LRRC4C: variants seen among roughly 807,000 people sequenced by gnomAD.
LRRC4C encodes the protein leucine-rich repeat-containing protein 4C.
Under a neutral mutation model 33.6 loss-of-function variants are expected in LRRC4C, and 5 were observed. That is an observed-to-expected ratio of 0.15 (90% confidence interval 0.08 to 0.31). LRRC4C has a LOEUF of 0.31. Ranked by LOEUF, LRRC4C falls within the 10% of genes least tolerant of loss-of-function variation. The pLI is 1.00. For missense variants in LRRC4C, 560 were observed against 796.7 expected, an observed-to-expected ratio of 0.70 and a Z score of 3.58; for synonymous variants, 329 against 302.0, an observed-to-expected ratio of 1.09 and a Z score of -0.93.
At chr11:40,567,997 C>A (rs980288214) in intron 3 of LRRC4C, among the ~76,000 whole-genome samples, 1 of 152,196 alleles carries the variant, frequency 6.6e-6, no homozygotes. Flanking sequence ...TAACCCATTT[C>A]TTCACTTTCC....
At chr11:40,723,425 A>C (rs1206080014) in intron 2 of LRRC4C, among the ~76,000 whole-genome samples, 1 of 152,210 alleles carries the variant, frequency 6.6e-6, no homozygotes, top group East Asian at 1.9e-4. Context: ...CAGGAAACTT[A>C]CAAGTCTGAA....
intron 3 of LRRC4C, among the ~76,000 whole-genome samples, chr11:40,509,721 T>C (rs2078532081): frequency 6.6e-6 from 1 of 152,286 alleles, no homozygotes; most frequent in Non-Finnish European, 1.5e-5. Flanking sequence ...AATAAAACTT[T>C]ATCGTGTTTC....
At chr11:40,762,357 A>G (rs886894601) in intron 2 of LRRC4C, among the ~76,000 whole-genome samples, 1 of 152,194 alleles carries the variant, frequency 6.6e-6, no homozygotes, top group African/African-American at 2.4e-5. Context: ...GGTTTCAGAT[A>G]GAATAAACCC....
chr11:41,075,405 A>G (rs1326656319), intron 1 of LRRC4C, among the ~76,000 whole-genome samples: 1 of 152,186 alleles, frequency 6.6e-6, no homozygotes. Context: ...GTCAGGCTTT[A>G]TTAAGCCTCT....
chr11:40,122,815 C>G (rs1252618024), intron 6 of LRRC4C, among the ~76,000 whole-genome samples: 2 of 147,388 alleles, frequency 1.4e-5, no homozygotes, highest in Admixed American at 1.4e-4. Flanking sequence ...CTCCCTTACT[C>G]TTTTCTAAGA....
intron 2 of LRRC4C, among the ~76,000 whole-genome samples, chr11:40,749,458 CA>C (rs68018605): frequency 0.7 from 87,853 of 125,172 alleles, 29,440 homozygotes; most frequent in Middle Eastern, 0.76. Context: ...CTATGAGATA[CA>C]AAAAAAAAAA....
intron 3 of LRRC4C, among the ~76,000 whole-genome samples, chr11:40,325,540 G>A (rs983019244): frequency 6.6e-6 from 1 of 151,810 alleles, no homozygotes; most frequent in Non-Finnish European, 1.5e-5. Context: ...AGCAGTGAGG[G>A]TCATTAGAGC....
At chr11:41,116,745 A>C (rs1031049396) in intron 1 of LRRC4C, among the ~76,000 whole-genome samples, 1 of 152,060 alleles carries the variant, frequency 6.6e-6, no homozygotes, top group Non-Finnish European at 1.5e-5. Flanking sequence ...TCATTTACTA[A>C]CTCTACCCCC....
At chr11:40,566,522 A>G (rs1039627768) in intron 3 of LRRC4C, among the ~76,000 whole-genome samples, 1 of 152,120 alleles carries the variant, frequency 6.6e-6, no homozygotes, top group Non-Finnish European at 1.5e-5. Context: ...ATCCAGAACT[A>G]CAAGAGATTA....
intron 3 of LRRC4C, among the ~76,000 whole-genome samples, chr11:40,578,015 AGGTAGAGACGG>A (rs2135610721): frequency 6.7e-6 from 1 of 150,040 alleles, no homozygotes; most frequent in East Asian, 2.0e-4. Context: ...TTTGTATTTT[AGGTAGAGACGG>A]GGTTTCACCG....
intron 1 of LRRC4C, among the ~76,000 whole-genome samples, chr11:40,990,518 T>C (rs1386433314): frequency 6.6e-6 from 1 of 151,936 alleles, no homozygotes; most frequent in African/African-American, 2.4e-5. Context: ...AATCACTGGA[T>C]CAGTGGTTCT....
intron 3 of LRRC4C, among the ~76,000 whole-genome samples, chr11:40,361,819 A>C (rs1358776551): frequency 9.2e-5 from 14 of 152,212 alleles, no homozygotes; most frequent in Admixed American, 9.2e-4. Flanking sequence ...ATCCTAAGCA[A>C]AAAGAACAAA....
intron 1 of LRRC4C, among the ~76,000 whole-genome samples, chr11:41,135,765 T>A (rs1410994074): frequency 6.6e-6 from 1 of 152,186 alleles, no homozygotes; most frequent in Non-Finnish European, 1.5e-5. Flanking sequence ...TTATAATTAC[T>A]GTGTAATGGA....
intron 5 of LRRC4C, among the ~76,000 whole-genome samples, chr11:40,225,617 C>CT (rs1239115339): frequency 1.0e-5 from 1 of 99,710 alleles, no homozygotes; most frequent in Non-Finnish European, 2.7e-5. Flanking sequence ...CTCTCTCTCT[C>CT]TCTTTTTTTT....
intron 3 of LRRC4C, among the ~76,000 whole-genome samples, chr11:40,462,517 G>C (rs967415482): frequency 6.6e-5 from 10 of 152,030 alleles, no homozygotes; most frequent in African/African-American, 2.4e-4. Flanking sequence ...TTAACTTAGA[G>C]GCCAGGCATA....
At chr11:40,651,702 C>T (rs780342588) in intron 2 of LRRC4C, among the ~76,000 whole-genome samples, 9 of 152,156 alleles carry the variant, frequency 5.9e-5, no homozygotes, top group African/African-American at 1.7e-4. Flanking sequence ...GAATTTACAA[C>T]TCTGCAAATT....
chr11:41,041,361 T>C (rs1857422551), intron 1 of LRRC4C, among the ~76,000 whole-genome samples: 1 of 152,168 alleles, frequency 6.6e-6, no homozygotes, highest in South Asian at 2.1e-4. Flanking sequence ...AGAAAGGATA[T>C]AAAAGTTACA....
In LRRC4C at chr11:41,289,850, T is replaced by C. The variant is rs552748170; in HGVS notation, c.-496+169581A>G. ...AAGGAAGTCAAGACAGGCAAATGCA[T>C]AAAAATGGCAGTGAGAAATCAGATG... is the stretch of plus-strand genomic sequence containing the variant. On this transcript the variant is annotated intron_variant, in intron 1 of 6. Coordinates refer to ENST00000528697, the MANE Select transcript of LRRC4C (RefSeq NM_001258419.2). Among the ~76,000 whole-genome samples, 5 of 152,244 alleles carry C rather than the reference T, an allele frequency of 3.3e-5. No homozygotes were observed. The South Asian group carries it at 1.0e-3, about 32-fold the overall frequency.
chr11:40,726,372 T>C (rs1263001305), intron 2 of LRRC4C, among the ~76,000 whole-genome samples: 1 of 152,096 alleles, frequency 6.6e-6, no homozygotes, highest in African/African-American at 2.4e-5. Flanking sequence ...CAGGACAATA[T>C]CCACGAGGAT....
Sources: gnomAD v4.1 joint callset for allele counts (sites outside exome capture counted in the v4.1 genomes callset) on GRCh38, gnomAD v4.1.1 for gene constraint, MANE v1.5 for transcripts, NCBI Gene and HGNC (gene_info 2026-07-23, HGNC 2026-07-21) for gene names.